Variants in SYNE2 observed in about 807,000 individuals in gnomAD.
SYNE2 encodes the protein nesprin-2.
SYNE2 carries 431 observed loss-of-function variants against 856.3 expected under a neutral mutation model. That is an observed-to-expected ratio of 0.50 (90% CI 0.47 to 0.55). The LOEUF is 0.55. Among genes scored for constraint, SYNE2 ranks in the 20% least tolerant of loss-of-function variants. The probability of loss-of-function intolerance (pLI) is 0.00; values close to 1 mark genes in which losing one functional copy is unlikely to be tolerated. For missense variants in SYNE2, 8,129 were observed against 8,023.2 expected (o/e 1.01, Z -0.50); for synonymous variants, 2,923 against 2,872.3 (o/e 1.02, Z -0.56).
chr14:64,224,660 C>G, intron 114 of SYNE2, 113 bp downstream of exon 114: 2 of 1,164,734 alleles, frequency 1.7e-6, no homozygotes, highest in South Asian at 1.3e-5. Context: ...CAGCACAGGT[C>G]TCTGCTGACC....
At chr14:64,216,058 G>T in intron 107 of SYNE2, 190 bp from the exon 108 acceptor site, 2 of 1,496,962 alleles carry the variant, frequency 1.3e-6, no homozygotes, top group Admixed American at 2.0e-5. Flanking sequence ...TACCCATCTA[G>T]TGAAGGCACA....
At chr14:64,171,499 A>T (rs139474814) in intron 94 of SYNE2, among the ~76,000 whole-genome samples, 194 of 152,312 alleles carry the variant, frequency 1.3e-3, no homozygotes, top group African/African-American at 4.4e-3. Flanking sequence ...AGAGATGGGG[A>T]TGTGTGGCTC....
At chr14:63,956,602 A>G (rs534400850) in intron 8 of SYNE2, among the ~76,000 whole-genome samples, 1 of 152,274 alleles carries the variant, frequency 6.6e-6, no homozygotes, top group Non-Finnish European at 1.5e-5. Context: ...ATTTAAGTAT[A>G]CAAATTAGTG....
chr14:63,817,643 C>T (rs1889046325), intron 1 of SYNE2, among the ~76,000 whole-genome samples: 1 of 152,044 alleles, frequency 6.6e-6, no homozygotes, highest in African/African-American at 2.4e-5. Context: ...AACATATTAA[C>T]AAGACTAAAA....
chr14:63,931,559 A>G (rs1333842684), intron 2 of SYNE2, among the ~76,000 whole-genome samples: 1 of 151,746 alleles, frequency 6.6e-6, no homozygotes, highest in Non-Finnish European at 1.5e-5. Flanking sequence ...CAAAAAAAAA[A>G]AAAAAGAAAG....
chr14:64,225,824 C>T lies in SYNE2; in HGVS notation c.*298C>T, dbSNP rs1311782721. 1.7e-6 allele frequency: 1 copy of T among 588,570 alleles called. No individual in the cohort carries two copies. Among genetic ancestry groups the T allele is most frequent in the Non-Finnish European group, 3.0e-6 (1 of 330,378 alleles). 36.5% of individuals were successfully genotyped at this position (588,570 alleles called of 1,614,324 possible). Reference sequence around the variant, plus strand: ...TGAAGAGCCAAGCACTTTGTGAATTCTGGTTTGTTTGTAAAACAGCATTAT... The same window carrying T: ...TGAAGAGCCAAGCACTTTGTGAATTTTGGTTTGTTTGTAAAACAGCATTAT... On this transcript the variant is annotated 3_prime_UTR_variant, in exon 116 of 116. Transcript: ENST00000555002.
chr14:63,950,019 C>G lies in SYNE2; in HGVS notation c.590+13C>G, dbSNP rs755023439. 6.2e-7 allele frequency: 1 copy of G among 1,613,790 alleles called. No individual in the cohort carries two copies. The highest frequency in any genetic ancestry group is 1.1e-5 in the South Asian group (1 of 91,064). On this transcript the variant is annotated intron_variant, in intron 7 of 115. Transcript: ENST00000555002. ...AACAATGCGCCACGTAAGTAGTTTGCTATGACCCTAAGAGACACACAGGGC... is the reference window on the plus strand; with the variant it reads ...AACAATGCGCCACGTAAGTAGTTTGGTATGACCCTAAGAGACACACAGGGC...
chr14:64,052,609 CA>C lies in SYNE2; in HGVS notation c.8699del (p.Asn2900ThrfsTer6). On this transcript the variant is annotated frameshift_variant, in exon 48 of 116. Coordinates refer to ENST00000555002, the MANE Select transcript of SYNE2 (RefSeq NM_182914.3). LOFTEE classifies it high-confidence loss of function. Reference sequence around the variant, plus strand: ...ATCTCAACACATCTTCAGGAGCTAACAAACATCTATGAGGAGCTGAATGTGT... The same window carrying C: ...ATCTCAACACATCTTCAGGAGCTAACAACATCTATGAGGAGCTGAATGTGT... The part of the protein sequence containing the change: ...SGISTHLQEL[T>X]NIYEELNVFE... The C allele has an allele frequency of 6.2e-7, 1 of 1,614,050 alleles. No individual in the cohort carries two copies. The highest frequency in any genetic ancestry group is 8.5e-7 in the Non-Finnish European group (1 of 1,180,000).
chr14:63,975,167 G>A (rs890046209), intron 11 of SYNE2, among the ~76,000 whole-genome samples: 1 of 151,622 alleles, frequency 6.6e-6, no homozygotes, highest in Admixed American at 6.6e-5. Flanking sequence ...ATGGAGCTGG[G>A]CAGGGCCCTG....
At chr14:64,118,100 T>G (rs1233261152) in intron 66 of SYNE2, among the ~76,000 whole-genome samples, 1 of 152,242 alleles carries the variant, frequency 6.6e-6, no homozygotes, top group Non-Finnish European at 1.5e-5. Context: ...AATTTTGTTT[T>G]AAGAATAGAG....
intron 64 of SYNE2, among the ~76,000 whole-genome samples, chr14:64,105,796 A>G (rs1219424248): frequency 6.6e-6 from 1 of 152,108 alleles, no homozygotes; most frequent in Non-Finnish European, 1.5e-5. Flanking sequence ...CAGTTGTCTC[A>G]TGCCTGTAAT....
At chr14:64,073,707 A>T (rs766764867) in intron 52 of SYNE2, among the ~76,000 whole-genome samples, 28 of 152,232 alleles carry the variant, frequency 1.8e-4, no homozygotes, top group Non-Finnish European at 2.4e-4. Flanking sequence ...GAGGACAGAA[A>T]TGTCAGTTAC....
intron 2 of SYNE2, among the ~76,000 whole-genome samples, chr14:63,917,392 G>T (rs1323618673): frequency 6.6e-6 from 1 of 152,170 alleles, no homozygotes; most frequent in Non-Finnish European, 1.5e-5. Flanking sequence ...GAAAGTTCCT[G>T]TGATAGTAAC....
intron 64 of SYNE2, 141 bp downstream of exon 64, chr14:64,102,183 C>T: frequency 1.6e-6 from 1 of 642,870 alleles, no homozygotes. Flanking sequence ...GTCGTATGAT[C>T]TCAGCTCACT....
In SYNE2 at chr14:64,125,168, A is replaced by T. The variant is rs370745157; in HGVS notation, c.13512A>T (p.Gln4504His). The T allele has an allele frequency of 3.7e-6, 6 of 1,614,212 alleles. No individual in the cohort carries two copies. Among genetic ancestry groups the T allele is most frequent in the Non-Finnish European group, 5.1e-6 (6 of 1,180,028 alleles). ...AAGAACTGAAAACCTATACCACCCA[A>T]CTTGAAGACCTGCGCCAAGAAGCAA... ...TTEELKTYTT[Q>H]LEDLRQEASN... Residue 4504 changes from glutamine to histidine, a missense_variant, in exon 71 of 116, where the codon CAA (glutamine) becomes CAT (histidine). Gln to His is a conservative substitution (Grantham distance 24). Around this residue, in one of 3 missense-constraint regions of SYNE2, gnomAD observed 5,410 missense variants for 5,284.8 expected, o/e 1.02. Coordinates refer to ENST00000555002, the MANE Select transcript of SYNE2 (RefSeq NM_182914.3).
rs548278952 is a variant in SYNE2, at chr14:63,940,341, C to T, written c.80-273C>T. Among the ~76,000 whole-genome samples, 6 of 152,234 alleles carry T rather than the reference C, an allele frequency of 3.9e-5. No homozygotes were observed. The East Asian group carries it at 1.2e-3, about 29-fold the overall frequency. ...AAGTGCTGGGATTACAGGTGTGAAC[C>T]ACAGCACCGTGGTCCTAATTCTTTT... On this transcript the variant is annotated intron_variant, in intron 2 of 115. Coordinates refer to ENST00000555002, the MANE Select transcript of SYNE2 (RefSeq NM_182914.3).
At chr14:64,102,137 G>GAGA (rs2097735558) in intron 64 of SYNE2, 95 bp downstream of exon 64, 1 of 871,658 alleles carries the variant, frequency 1.1e-6, no homozygotes, top group African/African-American at 1.7e-5. Context: ...CTACACCCCT[G>GAGA]AGACGGACTC....
chr14:64,168,895 T>C lies in SYNE2; in HGVS notation c.16924T>C (p.Ser5642Pro), dbSNP rs145661639. ...TATACAGATGTTAGAAGCTGAAGTT[T>C]CTATAAACCAGACAATTGCTGATTC... ...KTYKMLEAEV[S>P]INQTIADSYV... The change falls in exon 93 of 116, where the codon TCT becomes CCT. Residue 5642 changes from serine (S) to proline (P), a missense_variant. Physicochemically the swap from Ser to Pro is moderately conservative, Grantham distance 74. Coordinates refer to ENST00000555002, the MANE Select transcript of SYNE2 (RefSeq NM_182914.3). The C allele has an allele frequency of 2.0e-5, 33 of 1,613,976 alleles. No homozygotes were observed. In the African/African-American group the frequency reaches 3.5e-4, roughly 17 times the overall value.
At chr14:63,967,594 T>G (rs377284737) in intron 10 of SYNE2, 115 bp from the exon 11 acceptor site, 12 of 1,082,894 alleles carry the variant, frequency 1.1e-5, no homozygotes, top group Admixed American at 2.4e-5. Flanking sequence ...CAGGGGATTT[T>G]ACCTTTAAGT....
Sources: allele counts gnomAD v4.1 joint callset (sites outside exome capture counted in the v4.1 genomes callset), GRCh38; gene constraint gnomAD v4.1.1; regional missense constraint gnomAD v4.1.1; transcripts MANE v1.5; gene names NCBI Gene and HGNC (gene_info 2026-07-23, HGNC 2026-07-21).